The following SLC4A4 variants were observed in gnomAD, a reference collection of about 807,000 sequenced individuals.
SLC4A4 encodes solute carrier family 4 member 4.
In SLC4A4, 27 loss-of-function variants were observed where a neutral mutation model predicts 111.5. The observed-to-expected ratio is 0.24, with a 90% CI of 0.18 to 0.33. The LOEUF (loss-of-function observed/expected upper bound fraction) is 0.33, where lower values mean the gene tolerates loss of function less well. SLC4A4 is among the 10% of genes least tolerant of loss of function. The pLI, the probability that SLC4A4 is intolerant of heterozygous loss-of-function variation, is 1.00. For synonymous variants in SLC4A4, 443 were observed against 463.4 expected, an observed-to-expected ratio of 0.96 and a Z score of 0.57; for missense variants, 909 against 1,315.5, an observed-to-expected ratio of 0.69 and a Z score of 4.78.
chr4:71,487,939 T>A lies in SLC4A4; in HGVS notation c.1974+921T>A, dbSNP rs1192415111. On this transcript the variant is annotated intron_variant, in intron 15 of 25. Transcript: ENST00000264485. ...CAAACTTACTTCTCTATTTCTTCCA[T>A]GTTTGATGTTAGGTGTGTGAAAAAG... Among the ~76,000 whole-genome samples, 8 of 151,576 alleles carry A rather than the reference T, an allele frequency of 5.3e-5. No individual in the cohort carries two copies. In the East Asian group the frequency reaches 1.4e-3, roughly 26 times the overall value.
intron 1 of SLC4A4, among the ~76,000 whole-genome samples, chr4:71,199,035 A>G (rs1746133804): frequency 6.6e-6 from 1 of 152,180 alleles, no homozygotes; most frequent in Non-Finnish European, 1.5e-5. Context: ...TTGGGTGGTT[A>G]TTCTCTCTTT....
At chr4:71,081,148 C>G (rs1485814685) in intron 1 of SLC4A4, among the ~76,000 whole-genome samples, 1 of 152,112 alleles carries the variant, frequency 6.6e-6, no homozygotes, top group Non-Finnish European at 1.5e-5. Context: ...GTTACTGTGA[C>G]TTGAACATCT....
chr4:71,473,155 C>A, intron 14 of SLC4A4, 185 bp downstream of exon 14: 1 of 729,590 alleles, frequency 1.4e-6, no homozygotes, highest in Non-Finnish European at 2.4e-6. Flanking sequence ...ATGATTCAAC[C>A]AGGAAGGAGA....
intron 2 of SLC4A4, among the ~76,000 whole-genome samples, chr4:71,237,698 C>T (rs1719906318): frequency 6.6e-6 from 1 of 152,172 alleles, no homozygotes; most frequent in Non-Finnish European, 1.5e-5. Context: ...CCACTTGGAA[C>T]AGTTTGAATA....
chr4:71,210,752 T>G (rs1323771086), intron 1 of SLC4A4, among the ~76,000 whole-genome samples: 1 of 152,210 alleles, frequency 6.6e-6, no homozygotes, highest in Admixed American at 6.5e-5. Flanking sequence ...TATGTTGTTA[T>G]GTTTATATAT....
At chr4:71,252,232 C>T (rs758563463) in intron 2 of SLC4A4, among the ~76,000 whole-genome samples, 6 of 152,142 alleles carry the variant, frequency 3.9e-5, no homozygotes, top group Non-Finnish European at 7.3e-5. Flanking sequence ...CATTACAGCT[C>T]ATTTTACTTT....
intron 2 of SLC4A4, among the ~76,000 whole-genome samples, chr4:71,132,997 G>A (rs527600608): frequency 6.6e-6 from 1 of 152,196 alleles, no homozygotes; most frequent in East Asian, 1.9e-4. Context: ...GAGTTGACAA[G>A]CCTACAGACT....
At chr4:71,498,733 A>G (rs2149152522) in intron 16 of SLC4A4, among the ~76,000 whole-genome samples, 1 of 152,308 alleles carries the variant, frequency 6.6e-6, no homozygotes, top group South Asian at 2.1e-4. Flanking sequence ...AGTGAAATTT[A>G]GAAAGAAGCA....
upstream of SLC4A4, among the ~76,000 whole-genome samples, chr4:71,186,144 C>G (rs561741434): frequency 4.6e-5 from 7 of 152,248 alleles, no homozygotes; most frequent in African/African-American, 1.7e-4. Flanking sequence ...ATTTGCTTGG[C>G]AAAGAGTACT....
chr4:71,362,384 A>G (rs1237981634), intron 6 of SLC4A4, among the ~76,000 whole-genome samples: 1 of 152,236 alleles, frequency 6.6e-6, no homozygotes, highest in Non-Finnish European at 1.5e-5. Flanking sequence ...TGTCTGTGAA[A>G]GAGAGATAAT....
chr4:71,491,686 T>G (rs1339479937), intron 15 of SLC4A4, among the ~76,000 whole-genome samples: 1 of 151,862 alleles, frequency 6.6e-6, no homozygotes, highest in African/African-American at 2.4e-5. Context: ...ATAATTATCT[T>G]ACTTATTTTT....
intron 2 of SLC4A4, among the ~76,000 whole-genome samples, chr4:71,237,302 T>A (rs1344302035): frequency 6.6e-6 from 1 of 152,232 alleles, no homozygotes; most frequent in East Asian, 1.9e-4. Context: ...ATCAATAATG[T>A]GGGAATAATG....
At chr4:71,188,768 T>A (rs1745605779) in intron 1 of SLC4A4, among the ~76,000 whole-genome samples, 1 of 152,220 alleles carries the variant, frequency 6.6e-6, no homozygotes, top group Non-Finnish European at 1.5e-5. Context: ...CTCTCTTTCT[T>A]GTGTCTTTCA....
chr4:71,502,234 T>C (rs192328676), intron 16 of SLC4A4, among the ~76,000 whole-genome samples: 29 of 152,382 alleles, frequency 1.9e-4, no homozygotes, highest in African/African-American at 6.7e-4. Flanking sequence ...GTGTTGGGAT[T>C]ACTGGCGAGA....
rs1446784662 is a variant in SLC4A4, at chr4:71,173,389, T to TAA, written c.-1-63187_-1-63186insAA. Reference sequence around the variant, plus strand: ...TATCTTTTATTATTAATTAATTAATTTATTTATTTTGAAATGGAGTCTCCT... The same window carrying TAA: ...TATCTTTTATTATTAATTAATTAATTAATATTTATTTTGAAATGGAGTCTCCT... On this transcript the variant is annotated intron_variant, in intron 2 of 26. Transcript: ENST00000649996. Among the ~76,000 whole-genome samples the TAA allele has an allele frequency of 2.2e-4, 34 of 152,166 alleles. 1 individual carries two copies. The East Asian group carries it at 3.7e-3, about 16-fold the overall frequency.
At chr4:71,292,319 T>C (rs1295696675) in intron 3 of SLC4A4, among the ~76,000 whole-genome samples, 1 of 152,206 alleles carries the variant, frequency 6.6e-6, no homozygotes, top group Non-Finnish European at 1.5e-5. Context: ...GGCCTTTAGC[T>C]CAGTTTTATG....
intron 7 of SLC4A4, among the ~76,000 whole-genome samples, chr4:71,397,956 C>T (rs547461081): frequency 6.6e-5 from 10 of 152,162 alleles, no homozygotes; most frequent in East Asian, 3.9e-4. Context: ...AGGGATTAAA[C>T]GAGATAACTT....
At chr4:71,419,937 C>T (rs1322360009) in intron 7 of SLC4A4, among the ~76,000 whole-genome samples, 9 of 152,210 alleles carry the variant, frequency 5.9e-5, no homozygotes, top group African/African-American at 1.7e-4. Flanking sequence ...AGCACCTCTC[C>T]TCCTCCAAAG....
At chr4:71,271,263 T>A (rs1467108381) in intron 3 of SLC4A4, among the ~76,000 whole-genome samples, 2 of 152,322 alleles carry the variant, frequency 1.3e-5, no homozygotes, top group Non-Finnish European at 2.9e-5. Context: ...CTGCTTTACA[T>A]GAGAAAATAT....
Sources: allele counts gnomAD v4.1 joint callset (sites outside exome capture counted in the v4.1 genomes callset), GRCh38; gene constraint gnomAD v4.1.1; transcripts MANE v1.5; gene names NCBI Gene and HGNC (gene_info 2026-07-23, HGNC 2026-07-21).